Variants in MYT1L observed in about 807,000 individuals in gnomAD.
MYT1L encodes myelin transcription factor 1-like protein.
MYT1L carries 12 observed loss-of-function variants against 126.7 expected under a neutral mutation model. The ratio of observed to expected loss-of-function variants is 0.09; its 90% CI spans 0.06 to 0.15. MYT1L has a LOEUF of 0.15. MYT1L is among the 10% of genes least tolerant of loss of function. The pLI is 1.00. For synonymous variants in MYT1L, 541 were observed against 604.2 expected (o/e 0.90, Z 1.53); for missense variants, 979 against 1,585.2 (o/e 0.62, Z 6.49).
intron 2 of MYT1L, among the ~76,000 whole-genome samples, chr2:2,193,804 G>A (rs962381554): frequency 2.6e-5 from 4 of 152,124 alleles, no homozygotes; most frequent in Admixed American, 6.5e-5. Context: ...TATGAGGGAC[G>A]TTTTAGACAC....
At chr2:1,861,721 T>C (rs1357047030) in intron 18 of MYT1L, among the ~76,000 whole-genome samples, 1 of 152,180 alleles carries the variant, frequency 6.6e-6, no homozygotes, top group African/African-American at 2.4e-5. Flanking sequence ...GCCTATGTAA[T>C]CCTGGATCTG....
At chr2:1,963,085 G>C (rs559857275) in intron 8 of MYT1L, among the ~76,000 whole-genome samples, 170 of 152,268 alleles carry the variant, frequency 1.1e-3, no homozygotes, top group African/African-American at 3.7e-3. Flanking sequence ...AAATAATAAG[G>C]CTCGAAAGTC....
At chr2:2,191,966 A>G (rs933186352) in intron 2 of MYT1L, among the ~76,000 whole-genome samples, 4 of 152,256 alleles carry the variant, frequency 2.6e-5, no homozygotes, top group South Asian at 4.1e-4. Context: ...TACAGATGAG[A>G]TGACAGACTG....
At chr2:1,939,955 T>G (rs1300079071) in intron 9 of MYT1L, among the ~76,000 whole-genome samples, 1 of 152,256 alleles carries the variant, frequency 6.6e-6, no homozygotes, top group East Asian at 1.9e-4. Context: ...TGCATTTGTT[T>G]GCCTTAGAAA....
chr2:2,256,062 C>CAGGTGGAG (rs1196675076), intron 2 of MYT1L, among the ~76,000 whole-genome samples: 1 of 152,196 alleles, frequency 6.6e-6, no homozygotes, highest in African/African-American at 2.4e-5. Flanking sequence ...GACCTTGCCA[C>CAGGTGGAG]AGGTGGAGAT....
rs745843474 is a variant in MYT1L at position 1,848,130 on chromosome 2, C to G, written c.2774+3511G>C. Among the ~76,000 whole-genome samples the G allele has an allele frequency of 3.3e-5, 5 of 152,214 alleles. No individual in the cohort carries two copies. Among genetic ancestry groups the G allele is most frequent in the Non-Finnish European group, 7.3e-5 (5 of 68,040 alleles). On this transcript the variant is annotated intron_variant, in intron 19 of 24. Coordinates refer to ENST00000647738, the MANE Select transcript of MYT1L (RefSeq NM_001303052.2). The surrounding 1 kb of genome is among the most constrained non-coding windows in gnomAD (Gnocchi z 4.8). ...CATCTGTGGAGATGGTGGAGGACAG[C>G]TCCTCACCCAGTTTCCCAGAATGGG...
Position 2,103,798 on chromosome 2 carries a change from A to G in MYT1L, c.-303-49675T>C, listed in dbSNP as rs115007915. Among the ~76,000 whole-genome samples the G allele has an allele frequency of 5.6e-3, 853 of 152,354 alleles. 5 individuals are homozygous for G. The highest frequency in any genetic ancestry group is 0.02 in the African/African-American group (816 of 41,584). ...ACAACAGCAAGATCTCACGGTGACA[A>G]GCAGGTGTTGTCATGTCAGATTTGG... On this transcript the variant is annotated intron_variant, in intron 3 of 24. Transcript: ENST00000647738.
chr2:2,012,474 G>A (rs1239368156), intron 4 of MYT1L, among the ~76,000 whole-genome samples: 3 of 152,146 alleles, frequency 2.0e-5, no homozygotes, highest in Non-Finnish European at 4.4e-5. Flanking sequence ...GGGAATGTGG[G>A]AGTGATGGGG....
intron 2 of MYT1L, among the ~76,000 whole-genome samples, chr2:2,279,476 T>C (rs1417556347): frequency 1.5e-5 from 2 of 136,068 alleles, no homozygotes; most frequent in East Asian, 2.2e-4. Flanking sequence ...AGAGGTGGAG[T>C]CCAGGAGGAA....
chr2:1,802,406 C>A (rs1470211875), intron 22 of MYT1L, among the ~76,000 whole-genome samples: 1 of 152,028 alleles, frequency 6.6e-6, no homozygotes, highest in Admixed American at 6.6e-5. Context: ...GGGGGCTGGC[C>A]GGAGGGAGAT....
At chr2:2,325,857 A>T (rs1307139131) in intron 1 of MYT1L, 1 of 152,276 alleles carries the variant, frequency 6.6e-6, no homozygotes, top group Non-Finnish European at 1.5e-5. Flanking sequence ...TCACACGCCT[A>T]ACCAAGAGAC....
intron 2 of MYT1L, among the ~76,000 whole-genome samples, chr2:2,201,719 G>T (rs1203741644): frequency 6.6e-6 from 1 of 151,610 alleles, no homozygotes; most frequent in African/African-American, 2.4e-5. Context: ...AAAATCGTAA[G>T]TGTTTTAAAG....
chr2:2,197,041 T>C (rs2092830144), intron 2 of MYT1L, among the ~76,000 whole-genome samples: 1 of 152,164 alleles, frequency 6.6e-6, no homozygotes, highest in African/African-American at 2.4e-5. Context: ...GGAAAATTAT[T>C]ATAAATTTTT....
chr2:1,955,623 C>A (rs1201324369), intron 8 of MYT1L, among the ~76,000 whole-genome samples: 3 of 152,132 alleles, frequency 2.0e-5, no homozygotes, highest in Non-Finnish European at 4.4e-5. Flanking sequence ...AAATAATAAA[C>A]CTTAAGACTT....
At chr2:2,296,800 G>A (rs777909095) in intron 1 of MYT1L, among the ~76,000 whole-genome samples, 16 of 152,212 alleles carry the variant, frequency 1.1e-4, no homozygotes, top group African/African-American at 3.1e-4. Context: ...AGTGCACTGC[G>A]TCAGGAGTAA....
At chr2:1,875,087 T>C (rs984045322) in intron 18 of MYT1L, among the ~76,000 whole-genome samples, 1 of 138,752 alleles carries the variant, frequency 7.2e-6, no homozygotes, top group Non-Finnish European at 1.7e-5. Flanking sequence ...ATGGGCAACA[T>C]GTGCTGAGGG....
intron 13 of MYT1L, among the ~76,000 whole-genome samples, chr2:1,905,487 G>A (rs1194213943): frequency 2.0e-5 from 3 of 151,868 alleles, no homozygotes; most frequent in African/African-American, 4.8e-5. Context: ...CTGAGTAGCT[G>A]GGATTACAGT....
intron 3 of MYT1L, among the ~76,000 whole-genome samples, chr2:2,062,794 G>T (rs2150163339): frequency 6.6e-6 from 1 of 151,612 alleles, no homozygotes; most frequent in Middle Eastern, 3.4e-3. Flanking sequence ...CTTTCCCCTA[G>T]ACCCTCATGC....
rs544638290 is a variant in MYT1L, at chr2:1,791,416, G to C, written c.*451C>G. 3 of 379,626 alleles carry C rather than the reference G, an allele frequency of 7.9e-6. No homozygotes were observed. The highest frequency in any genetic ancestry group is 4.2e-5 in the African/African-American group (2 of 47,170). The allele number at this position is 379,626 out of a possible 1,614,324, so 23.5% of individuals were successfully genotyped here. A position where few individuals can be genotyped will look rare whatever the true frequency, so the allele number is the denominator to read the frequency against. ...CTCCAACATGAGGCAAAATGATAAC[G>C]TCTAAAAAGCGGCTGCTCAGCCACA... On this transcript the variant is annotated 3_prime_UTR_variant, in exon 25 of 25. Transcript: ENST00000647738. The surrounding 1 kb of genome is among the most constrained non-coding windows in gnomAD (Gnocchi z 6.0).
Sources: allele counts gnomAD v4.1 joint callset (sites outside exome capture counted in the v4.1 genomes callset), GRCh38; gene constraint gnomAD v4.1.1; non-coding constraint Gnocchi (gnomAD v3.1); transcripts MANE v1.5; gene names NCBI Gene and HGNC (gene_info 2026-07-23, HGNC 2026-07-21).